The following CYP2U1 variants were observed in gnomAD, a reference collection of about 807,000 sequenced individuals.
CYP2U1 encodes cytochrome P450 2U1.
In CYP2U1, 28 loss-of-function variants were observed where a neutral mutation model predicts 42.8. The ratio of observed to expected loss-of-function variants is 0.65; its 90% CI spans 0.48 to 0.90. CYP2U1 has a LOEUF of 0.90. Ranked by LOEUF, CYP2U1 falls within the 40% of genes least tolerant of loss-of-function variation. The pLI, the probability that CYP2U1 is intolerant of heterozygous loss-of-function variation, is 0.00. For synonymous variants in CYP2U1, 296 were observed against 278.9 expected, an observed-to-expected ratio of 1.06 and a Z score of -0.61; for missense variants, 642 against 693.8, an observed-to-expected ratio of 0.93 and a Z score of 0.84.
At chr4:107,940,072 CTTCT>C (rs908080783) in intron 1 of CYP2U1, 1 of 150,048 alleles carries the variant, frequency 6.7e-6, no homozygotes, top group Non-Finnish European at 1.5e-5. Context: ...GCTGCCATTT[CTTCT>C]TTTTTTTCCT....
rs907405660 is a variant in CYP2U1, at chr4:107,951,498, G to A, written c.*1075G>A. 1.3e-5 allele frequency: 2 copies of A among 152,178 alleles called. No individual in the cohort carries two copies. The highest frequency in any genetic ancestry group is 4.8e-5 in the African/African-American group (2 of 41,450). The allele number at this position is 152,178 out of a possible 1,614,324, so 9.4% of individuals were successfully genotyped here. On this transcript the variant is annotated 3_prime_UTR_variant, in exon 5 of 5. Transcript: ENST00000332884. ...CCCTCTGGAAAAGCAGTTTTCAGCA[G>A]GGGTGGTAACCCCTTCAGAGGGAGT...
chr4:107,944,110 T>G (rs1274146498), intron 1 of CYP2U1, among the ~76,000 whole-genome samples: 1 of 152,168 alleles, frequency 6.6e-6, no homozygotes, highest in Non-Finnish European at 1.5e-5. Flanking sequence ...GGCTATTCAT[T>G]TAGTCAGCTA....
chr4:107,946,742 G>C (rs1048820421), intron 2 of CYP2U1, among the ~76,000 whole-genome samples: 1 of 152,146 alleles, frequency 6.6e-6, no homozygotes, highest in African/African-American at 2.4e-5. Context: ...TGGGGCTGCA[G>C]ACTTGAATGA....
In CYP2U1 at chr4:107,947,375, GA is replaced by G; in HGVS notation, c.1130del (p.Lys377ArgfsTer37). On this transcript the variant is annotated frameshift_variant and splice_region_variant, in exon 3 of 5. Transcript: ENST00000332884. LOFTEE classifies it high-confidence loss of function. ...TGGTTTATTTTTCCCTTTTTACATA[GA>G]AAAGGTTCATGAAGAAATTGAAAGA... ...LYMSLNPDVQ[E>X]KVHEEIERVI... 3.1e-6 allele frequency: 5 copies of G among 1,613,868 alleles called. No individual in the cohort carries two copies. Among genetic ancestry groups the G allele is most frequent in the Non-Finnish European group, 3.4e-6 (4 of 1,179,812 alleles).
rs1258419483 is a variant in CYP2U1, at chr4:107,931,712, G to A, written c.69G>A (p.Ala23=). ...CCTGGCCCGCGCGCCTCCTGCGTGC[G>A]CCTCTGGGGCTGCTGCGGCTGGACC... ...DPPWPARLLR[A]PLGLLRLDPS... is the part of the protein sequence containing the mutation. Residue 23 remains alanine, a synonymous_variant, in exon 1 of 5, where the codon GCG becomes GCA. Coordinates refer to ENST00000332884, the MANE Select transcript of CYP2U1 (RefSeq NM_183075.3). 3.7e-6 allele frequency: 5 copies of A among 1,354,272 alleles called. No homozygotes were observed. The African/African-American group carries it at 7.7e-5, about 21-fold the overall frequency. The allele number at this position is 1,354,272 out of a possible 1,614,324, so 83.9% of individuals were successfully genotyped here.
rs1367962252 is a variant in CYP2U1 at position 107,931,572 on chromosome 4, C to T, written c.-72C>T. On this transcript the variant is annotated 5_prime_UTR_variant, in exon 1 of 5. Coordinates refer to ENST00000332884, the MANE Select transcript of CYP2U1 (RefSeq NM_183075.3). The stretch of plus-strand genomic sequence containing the variant: ...CCAGAGCAGAGCAGGACACTGGCGC[C>T]GCGGGTCAGGCAGCTGCGTGCGCGT... The T allele has an allele frequency of 2.2e-5, 27 of 1,211,106 alleles. No homozygotes were observed. Among genetic ancestry groups the T allele is most frequent in the Non-Finnish European group, 2.8e-5 (27 of 973,692 alleles). The allele number at this position is 1,211,106 out of a possible 1,614,324, so 75.0% of individuals were successfully genotyped here.
rs1732978838 is a variant in CYP2U1, at chr4:107,931,670, G to A, written c.27G>A (p.Pro9=). The A allele has an allele frequency of 4.0e-6, 5 of 1,261,720 alleles. No homozygotes were observed. The highest frequency in any genetic ancestry group is 1.6e-5 in the African/African-American group (1 of 64,086). The allele number at this position is 1,261,720 out of a possible 1,614,324, so 78.2% of individuals were successfully genotyped here. A position where few individuals can be genotyped will look rare whatever the true frequency, so the allele number is the denominator to read the frequency against. MSSPGPSQ[P]PAEDPPWPAR... is the part of the protein sequence containing the mutation. ...TGTCGTCTCCGGGGCCGTCGCAGCC[G>A]CCGGCCGAGGACCCGCCCTGGCCCG... The change falls in exon 1 of 5, where the codon CCG becomes CCA. Residue 9 remains proline, a synonymous_variant. Transcript: ENST00000332884.
At chr4:107,945,631 C>A in intron 2 of CYP2U1, 26 bp downstream of exon 2, 1 of 1,529,252 alleles carries the variant, frequency 6.5e-7, no homozygotes, top group South Asian at 1.3e-5. Flanking sequence ...TTCCTTTGTT[C>A]ATGGCAAAAC....
In CYP2U1 at chr4:107,953,309, T is replaced by C. The variant is rs895811708; in HGVS notation, c.*2886T>C. 2.0e-5 allele frequency: 3 copies of C among 152,330 alleles called. No individual in the cohort carries two copies. The East Asian group carries it at 5.8e-4, about 29-fold the overall frequency. 9.4% of individuals were successfully genotyped at this position (152,330 alleles called of 1,614,324 possible). On this transcript the variant is annotated 3_prime_UTR_variant, in exon 5 of 5. Transcript: ENST00000332884. ...AATTGCTAAAAGGACTGTTAATGCT[T>C]TTCTCAGACACATTGGCATTTTACA...
chr4:107,931,715 T>C lies in CYP2U1; in HGVS notation c.72T>C (p.Pro24=), dbSNP rs1197528595. The change falls in exon 1 of 5, where the codon CCT becomes CCC. Residue 24 remains proline (P), a synonymous_variant. Coordinates refer to ENST00000332884, the MANE Select transcript of CYP2U1 (RefSeq NM_183075.3). ...PPWPARLLRA[P]LGLLRLDPSG... ...GGCCCGCGCGCCTCCTGCGTGCGCC[T>C]CTGGGGCTGCTGCGGCTGGACCCCA... The C allele has an allele frequency of 7.2e-7, 1 of 1,390,400 alleles. No individual in the cohort carries two copies. Among genetic ancestry groups the C allele is most frequent in the Non-Finnish European group, 9.2e-7 (1 of 1,082,124 alleles). The allele number at this position is 1,390,400 out of a possible 1,614,324, so 86.1% of individuals were successfully genotyped here.
intron 1 of CYP2U1, chr4:107,940,161 C>G (rs1188000366): frequency 1.3e-5 from 2 of 151,780 alleles, no homozygotes; most frequent in African/African-American, 4.8e-5. Context: ...CTTACTGCAG[C>G]CTTGACCTCC....
chr4:107,940,283 C>T (rs1376923084), intron 1 of CYP2U1: 2 of 151,724 alleles, frequency 1.3e-5, no homozygotes, highest in East Asian at 3.9e-4. Context: ...GACAGGGTCT[C>T]ACTGTGTTGC....
intron 1 of CYP2U1, among the ~76,000 whole-genome samples, chr4:107,932,810 G>C (rs181860627): frequency 3.9e-5 from 6 of 152,318 alleles, no homozygotes; most frequent in Non-Finnish European, 8.8e-5. Flanking sequence ...TCAGTCAGGT[G>C]TTAAATGCCT....
chr4:107,935,907 A>ACC lies in CYP2U1; in HGVS notation c.490+3774_490+3775insCC, dbSNP rs989231190. ...TTAGGAATTAGAGGCCAATAACATT[A>ACC]TTGAATATTTATTATTTTTTGAAAG... On this transcript the variant is annotated intron_variant, in intron 1 of 4. Coordinates refer to ENST00000332884, the MANE Select transcript of CYP2U1 (RefSeq NM_183075.3). 33 of 152,234 alleles carry ACC rather than the reference A, an allele frequency of 2.2e-4. 1 individual carries two copies. The highest frequency in any genetic ancestry group is 1.3e-4 in the Admixed American group (2 of 15,280). 9.4% of individuals were successfully genotyped at this position (152,234 alleles called of 1,614,324 possible).
chr4:107,931,748 C>A lies in CYP2U1; in HGVS notation c.105C>A (p.Gly35=). The A allele has an allele frequency of 7.0e-7, 1 of 1,425,198 alleles. No homozygotes were observed. The highest frequency in any genetic ancestry group is 9.1e-7 in the Non-Finnish European group (1 of 1,099,158). The allele number at this position is 1,425,198 out of a possible 1,614,324, so 88.3% of individuals were successfully genotyped here. A position where few individuals can be genotyped will look rare whatever the true frequency, so the allele number is the denominator to read the frequency against. The change falls in exon 1 of 5, where the codon GGC becomes GGA. Residue 35 remains glycine, a synonymous_variant. Transcript: ENST00000332884. ...TGCTGCGGCTGGACCCCAGCGGGGGCGCGCTGCTGCTATGCGGCCTCGTAG... is the reference window on the plus strand; with the variant it reads ...TGCTGCGGCTGGACCCCAGCGGGGGAGCGCTGCTGCTATGCGGCCTCGTAG... The part of the protein sequence containing the change: ...LGLLRLDPSG[G]ALLLCGLVAL...
chr4:107,953,376 T>G lies in CYP2U1; in HGVS notation c.*2953T>G, dbSNP rs570312409. ...ATTTGAAATCAAAAAATAACTATAC[T>G]TTGTTTTATAAGTCTACCTAATATC... On this transcript the variant is annotated 3_prime_UTR_variant, in exon 5 of 5. Transcript: ENST00000332884. The G allele has an allele frequency of 4.9e-4, 74 of 152,362 alleles. No individual in the cohort carries two copies. The highest frequency in any genetic ancestry group is 1.3e-4 in the Non-Finnish European group (9 of 68,030). The allele number at this position is 152,362 out of a possible 1,614,324, so 9.4% of individuals were successfully genotyped here. A position where few individuals can be genotyped will look rare whatever the true frequency, so the allele number is the denominator to read the frequency against.
At chr4:107,947,630 C>A in intron 3 of CYP2U1, 93 bp downstream of exon 3, 1 of 1,239,706 alleles carries the variant, frequency 8.1e-7, no homozygotes, top group South Asian at 1.4e-5. Context: ...TGACTGTTGT[C>A]TAGCTTGATC....
intron 2 of CYP2U1, 137 bp from the exon 3 acceptor site, chr4:107,947,239 A>G (rs892564024): frequency 1.5e-5 from 11 of 725,516 alleles, no homozygotes; most frequent in Admixed American, 1.0e-4. Flanking sequence ...CAATGCTTCA[A>G]CTTCACTGAG....
intron 1 of CYP2U1, among the ~76,000 whole-genome samples, chr4:107,934,550 T>C (rs1733180520): frequency 6.6e-6 from 1 of 152,210 alleles, no homozygotes; most frequent in Non-Finnish European, 1.5e-5. Flanking sequence ...CAAAAGTATC[T>C]CTTACATAAA....
Sources: gnomAD v4.1 joint callset for allele counts (sites outside exome capture counted in the v4.1 genomes callset) on GRCh38, gnomAD v4.1.1 for gene constraint, MANE v1.5 for transcripts, NCBI Gene and HGNC (gene_info 2026-07-23, HGNC 2026-07-21) for gene names.